SLC25A21: variants seen among roughly 807,000 people sequenced by gnomAD.
The protein encoded by SLC25A21 is mitochondrial 2-oxodicarboxylate carrier.
SLC25A21 carries 47 observed loss-of-function variants against 43.8 expected under a neutral mutation model. That is an observed-to-expected ratio of 1.07 (90% CI 0.85 to 1.37). SLC25A21 has a LOEUF of 1.37. Ranked by LOEUF, SLC25A21 falls within the 40% of genes most tolerant of loss-of-function variation. SLC25A21 has a pLI of 0.00. For synonymous variants in SLC25A21, 131 were observed against 121.3 expected (o/e 1.08, Z -0.52); for missense variants, 352 against 350.2 (o/e 1.00, Z -0.04).
intron 1 of SLC25A21, among the ~76,000 whole-genome samples, chr14:36,937,115 C>T (rs185876900): frequency 2.0e-5 from 3 of 152,312 alleles, no homozygotes; most frequent in Non-Finnish European, 4.4e-5. Context: ...GATTGAAAGC[C>T]TGTTGCTGAA....
At chr14:37,152,247 T>C (rs1348717998) in intron 1 of SLC25A21, among the ~76,000 whole-genome samples, 2 of 152,044 alleles carry the variant, frequency 1.3e-5, no homozygotes, top group Admixed American at 6.6e-5. Context: ...ACAAAAAGAA[T>C]GAATGAAAAG....
chr14:37,058,289 T>C (rs1368239234), intron 1 of SLC25A21, among the ~76,000 whole-genome samples: 3 of 152,220 alleles, frequency 2.0e-5, no homozygotes, highest in Admixed American at 2.0e-4. Context: ...TAGTATCTCT[T>C]CTACCATTAG....
chr14:37,029,520 A>G (rs890982435), intron 1 of SLC25A21, among the ~76,000 whole-genome samples: 8 of 152,160 alleles, frequency 5.3e-5, no homozygotes, highest in Admixed American at 1.3e-4. Flanking sequence ...GTCAAAATAT[A>G]AGGTCAAACT....
chr14:37,039,268 T>G (rs1186960201), intron 1 of SLC25A21, among the ~76,000 whole-genome samples: 2 of 152,180 alleles, frequency 1.3e-5, no homozygotes, highest in Non-Finnish European at 2.9e-5. Context: ...GAGGTATAAT[T>G]GACATGCAAC....
chr14:36,721,163 T>C (rs1280594460), intron 6 of SLC25A21, among the ~76,000 whole-genome samples: 1 of 152,232 alleles, frequency 6.6e-6, no homozygotes, highest in Non-Finnish European at 1.5e-5. Flanking sequence ...TTAAGACCTT[T>C]GCATATATTA....
chr14:36,860,643 C>T (rs1890040228), intron 2 of SLC25A21, among the ~76,000 whole-genome samples: 1 of 152,202 alleles, frequency 6.6e-6, no homozygotes, highest in Non-Finnish European at 1.5e-5. Flanking sequence ...CTAACGAGTT[C>T]TCACTTTAGG....
intron 2 of SLC25A21, among the ~76,000 whole-genome samples, chr14:36,867,466 T>C (rs542291268): frequency 6.6e-6 from 1 of 152,220 alleles, no homozygotes; most frequent in South Asian, 2.1e-4. Context: ...TGGTGCTAGC[T>C]CTGGAGGATA....
chr14:37,103,991 T>C (rs909008697), intron 1 of SLC25A21, among the ~76,000 whole-genome samples: 3 of 152,166 alleles, frequency 2.0e-5, no homozygotes, highest in African/African-American at 7.2e-5. Flanking sequence ...AAGGACCATT[T>C]CTGTGCTTCC....
intron 1 of SLC25A21, among the ~76,000 whole-genome samples, chr14:37,035,241 C>G (rs1961302116): frequency 6.6e-6 from 1 of 152,188 alleles, no homozygotes; most frequent in African/African-American, 2.4e-5. Flanking sequence ...TTTCACAACT[C>G]AGTCCTCTAG....
intron 1 of SLC25A21, among the ~76,000 whole-genome samples, chr14:37,119,805 T>C (rs1490228164): frequency 6.6e-6 from 1 of 152,036 alleles, no homozygotes; most frequent in African/African-American, 2.4e-5. Flanking sequence ...AAAATGAAAA[T>C]AGCTCACAGA....
intron 1 of SLC25A21, among the ~76,000 whole-genome samples, chr14:37,099,030 C>T (rs61989532): frequency 0.2 from 31,054 of 151,700 alleles, 3,713 homozygotes; most frequent in South Asian, 0.3. Flanking sequence ...CTTGAACCCC[C>T]GACCTCAAGT....
chr14:37,027,795 G>C (rs1961125386), intron 1 of SLC25A21, among the ~76,000 whole-genome samples: 2 of 152,168 alleles, frequency 1.3e-5, no homozygotes, highest in South Asian at 4.1e-4. Flanking sequence ...TATTGCTCTA[G>C]TGCGGTTCAA....
chr14:36,955,032 T>A (rs1959298799), intron 1 of SLC25A21, among the ~76,000 whole-genome samples: 1 of 152,212 alleles, frequency 6.6e-6, no homozygotes, highest in African/African-American at 2.4e-5. Context: ...AGTTTTTGCA[T>A]GTTTTTTCTC....
chr14:36,973,116 A>G (rs1376320228), intron 1 of SLC25A21, among the ~76,000 whole-genome samples: 1 of 151,828 alleles, frequency 6.6e-6, no homozygotes, highest in Non-Finnish European at 1.5e-5. Flanking sequence ...CATGAAGGAA[A>G]GAGTCAAATT....
At chr14:37,013,502 G>C (rs1415309197) in intron 1 of SLC25A21, among the ~76,000 whole-genome samples, 1 of 152,150 alleles carries the variant, frequency 6.6e-6, no homozygotes, top group Non-Finnish European at 1.5e-5. Flanking sequence ...AGTTTCTTGA[G>C]CATTTGCAGG....
intron 1 of SLC25A21, among the ~76,000 whole-genome samples, chr14:36,945,573 C>T (rs765778084): frequency 5.3e-5 from 8 of 152,104 alleles, no homozygotes; most frequent in East Asian, 1.9e-4. Flanking sequence ...CATGAATAAA[C>T]GTTGAGGACA....
intron 1 of SLC25A21, among the ~76,000 whole-genome samples, chr14:37,015,537 A>G (rs1468833943): frequency 3.3e-5 from 5 of 151,944 alleles, no homozygotes; most frequent in Non-Finnish European, 5.9e-5. Flanking sequence ...CATGATTTAT[A>G]GTCATTTGGG....
chr14:36,781,715 T>C (rs916170001), intron 3 of SLC25A21, among the ~76,000 whole-genome samples: 6 of 152,244 alleles, frequency 3.9e-5, no homozygotes, highest in African/African-American at 1.2e-4. Flanking sequence ...ATTGCAGTTA[T>C]AGTTACTTTT....
At chr14:36,886,853 C>G (rs1228836006) in intron 1 of SLC25A21, among the ~76,000 whole-genome samples, 5 of 152,106 alleles carry the variant, frequency 3.3e-5, no homozygotes, top group African/African-American at 7.2e-5. Context: ...TGTTATTTAA[C>G]TCTATTTTAG....
Sources: gnomAD v4.1 joint callset for allele counts (sites outside exome capture counted in the v4.1 genomes callset) on GRCh38, gnomAD v4.1.1 for gene constraint, MANE v1.5 for transcripts, NCBI Gene and HGNC (gene_info 2026-07-23, HGNC 2026-07-21) for gene names.